Variants in C2CD5 observed in about 807,000 individuals in gnomAD.
C2CD5 encodes the protein C2 domain-containing protein 5.
Under a neutral mutation model 130.3 loss-of-function variants are expected in C2CD5, and 109 were observed. That is an observed-to-expected ratio of 0.84 (90% CI 0.72 to 0.98). C2CD5 has a LOEUF of 0.98. C2CD5 is among the 50% of genes least tolerant of loss of function. The pLI is 0.00. For synonymous variants in C2CD5, 454 were observed against 429.2 expected (o/e 1.06, Z -0.71); for missense variants, 996 against 1,261.8 (o/e 0.79, Z 3.19).
intron 21 of C2CD5, among the ~76,000 whole-genome samples, chr12:22,470,328 G>GT (rs1392255625): frequency 6.6e-6 from 1 of 152,038 alleles, no homozygotes; most frequent in East Asian, 1.9e-4. Flanking sequence ...CCCATTATGT[G>GT]TTTTTCAGAA....
Position 22,458,506 on chromosome 12 carries a change from T to C in C2CD5, c.2664A>G (p.Ile888Met), listed in dbSNP as rs1940430318. 1.5e-6 allele frequency: 2 copies of C among 1,294,406 alleles called. No individual in the cohort carries two copies. Among genetic ancestry groups the C allele is most frequent in the Admixed American group, 7.1e-5 (2 of 27,990 alleles). 80.2% of individuals were successfully genotyped at this position (1,294,406 alleles called of 1,614,324 possible). A position where few individuals can be genotyped will look rare whatever the true frequency, so the allele number is the denominator to read the frequency against. Residue 888 changes from isoleucine (I) to methionine (M), a missense_variant, in exon 24 of 27, where the codon ATA becomes ATG. Around this residue, in one of 9 missense-constraint regions of C2CD5, gnomAD observed 590 missense variants for 631.4 expected, o/e 0.93. Transcript: ENST00000446597. ...IELIKLKAQT[I>M]RRGSIKTTMT... ...TACTTGTCTTAATTGATCCACGCCT[T>C]ATGGTCTGAGCTTTCAGTTTAATGA...
rs1443412750 is a variant in C2CD5, at chr12:22,490,415, G to T, written c.1263-197C>A. On this transcript the variant is annotated intron_variant, in intron 11 of 26. Coordinates refer to ENST00000446597, the MANE Select transcript of C2CD5 (RefSeq NM_001286176.2). ...GTAACTTTATTTGAATGGAGGGAAAGAATTCTTCATAAATTAAAAACTGAA... is the reference window on the plus strand; with the variant it reads ...GTAACTTTATTTGAATGGAGGGAAATAATTCTTCATAAATTAAAAACTGAA... Among the ~76,000 whole-genome samples the T allele has an allele frequency of 2.0e-5, 3 of 152,012 alleles. No individual in the cohort carries two copies. The East Asian group carries it at 5.8e-4, about 29-fold the overall frequency.
chr12:22,530,208 A>G (rs1951138404), intron 3 of C2CD5, among the ~76,000 whole-genome samples: 1 of 147,148 alleles, frequency 6.8e-6, no homozygotes, highest in South Asian at 2.1e-4. Flanking sequence ...TATATACAGT[A>G]TATATATAAC....
At chr12:22,509,972 A>G (rs1949007579) in intron 9 of C2CD5, among the ~76,000 whole-genome samples, 1 of 152,210 alleles carries the variant, frequency 6.6e-6, no homozygotes, top group Non-Finnish European at 1.5e-5. Flanking sequence ...TGGGAGGCTG[A>G]GGTAGGTGGA....
Position 22,472,333 on chromosome 12 carries a change from T to C in C2CD5, c.2122A>G (p.Asn708Asp), listed in dbSNP as rs1450680150. Residue 708 changes from asparagine (N) to aspartate (D), a missense_variant, in exon 18 of 27, where the codon AAT (asparagine) becomes GAT (aspartate). Asn to Asp is a conservative substitution (Grantham distance 23). This residue lies in a region of C2CD5 where 590 missense variants were observed against 631.4 expected (regional missense o/e 0.93). Coordinates refer to ENST00000446597, the MANE Select transcript of C2CD5 (RefSeq NM_001286176.2). ...TTTATACCGGGCATAATTTCTGTAT[T>C]ACAACTATAAAAGCCTGTCAAAATA... ...VPPPSGFYSC[N>D]TEIMPGINNW... 5 of 1,469,832 alleles carry C rather than the reference T, an allele frequency of 3.4e-6. No individual in the cohort carries two copies. Among genetic ancestry groups the C allele is most frequent in the Non-Finnish European group, 4.7e-6 (5 of 1,068,162 alleles). 91.0% of individuals were successfully genotyped at this position (1,469,832 alleles called of 1,614,324 possible).
rs1424847547 is a variant in C2CD5, at chr12:22,457,124, T to G, written c.2724A>C (p.Gly908=). 4.3e-6 allele frequency: 7 copies of G among 1,609,328 alleles called. No individual in the cohort carries two copies. The highest frequency in any genetic ancestry group is 5.9e-6 in the Non-Finnish European group (7 of 1,178,204). ...TVEKASPVGD[G]NFRNRSAPPC... is the part of the protein sequence containing the mutation. ...GTGGAGCAGAACGATTCCGGAAATT[T>G]CCATCACCCACTGGACTTGCTTTTT... Residue 908 remains glycine (G), a synonymous_variant, in exon 25 of 27, where the codon GGA becomes GGC. Coordinates refer to ENST00000446597, the MANE Select transcript of C2CD5 (RefSeq NM_001286176.2).
Position 22,449,771 on chromosome 12 carries a change from C to T in C2CD5, c.3145G>A (p.Val1049Ile), listed in dbSNP as rs549478034. Residue 1049 changes from valine (V) to isoleucine (I), a missense_variant, in exon 27 of 27, where the codon GTT becomes ATT. Around this residue, in one of 9 missense-constraint regions of C2CD5, gnomAD observed 48 missense variants for 46.4 expected, o/e 1.03. Coordinates refer to ENST00000446597, the MANE Select transcript of C2CD5 (RefSeq NM_001286176.2). ...NCQSSCTEGE[V>I]TT The stretch of plus-strand genomic sequence containing the variant: ...TTTCCTAATTTTCCTCAGGTTGTAA[C>T]TTCGCCTTCAGTACATGATGACTGG... The T allele has an allele frequency of 1.1e-5, 18 of 1,590,356 alleles. No homozygotes were observed. The East Asian group carries it at 4.0e-4, about 36-fold the overall frequency.
chr12:22,482,021 CAT>C (rs1269875318), intron 14 of C2CD5, among the ~76,000 whole-genome samples: 1 of 152,048 alleles, frequency 6.6e-6, no homozygotes, highest in Non-Finnish European at 1.5e-5. Context: ...TAGTGTCTCA[CAT>C]GTTTTGCTTT....
intron 22 of C2CD5, 76 bp from the exon 23 acceptor site, chr12:22,459,618 A>T: frequency 1.1e-6 from 1 of 877,612 alleles, no homozygotes; most frequent in Non-Finnish European, 1.8e-6. Flanking sequence ...ATTTGTTAAT[A>T]CCTCTATAAG....
At chr12:22,464,808 T>G (rs563200546) in intron 22 of C2CD5, among the ~76,000 whole-genome samples, 8 of 152,184 alleles carry the variant, frequency 5.3e-5, no homozygotes, top group African/African-American at 1.9e-4. Context: ...AAAATGCTTT[T>G]AATTAGTATA....
At chr12:22,487,074 A>C (rs896610048) in intron 12 of C2CD5, among the ~76,000 whole-genome samples, 15 of 152,222 alleles carry the variant, frequency 9.9e-5, no homozygotes, top group Admixed American at 4.6e-4. Context: ...TTAAAGACTT[A>C]AATGTTAGAC....
At chr12:22,466,674 G>A (rs898535849) in intron 22 of C2CD5, among the ~76,000 whole-genome samples, 5 of 152,230 alleles carry the variant, frequency 3.3e-5, no homozygotes, top group African/African-American at 1.2e-4. Flanking sequence ...AAGACTTGAA[G>A]CACAAGACAA....
At chr12:22,482,154 A>T (rs949885453) in intron 14 of C2CD5, among the ~76,000 whole-genome samples, 17 of 152,074 alleles carry the variant, frequency 1.1e-4, no homozygotes, top group Admixed American at 1.1e-3. Flanking sequence ...GGATGCTACT[A>T]GCTTATAGTG....
intron 7 of C2CD5, among the ~76,000 whole-genome samples, chr12:22,520,921 A>G (rs927264001): frequency 6.6e-6 from 1 of 152,170 alleles, no homozygotes; most frequent in Admixed American, 6.5e-5. Context: ...TAAAATGTTC[A>G]AACTATGGCA....
chr12:22,498,634 AGCTT>A (rs1168600459), intron 10 of C2CD5, among the ~76,000 whole-genome samples: 3 of 152,208 alleles, frequency 2.0e-5, no homozygotes. Flanking sequence ...ATTAATCCAA[AGCTT>A]GCTTATCACT....
intron 2 of C2CD5, among the ~76,000 whole-genome samples, chr12:22,543,593 G>GGTGTGTGTGTGCCT (rs1190994959): frequency 6.6e-6 from 1 of 152,152 alleles, no homozygotes; most frequent in African/African-American, 2.4e-5. Flanking sequence ...CCCTTCCAAG[G>GGTGTGTGTGTGCCT]GTGTGTGTGT....
At chr12:22,521,559 T>A (rs1475490548) in intron 7 of C2CD5, among the ~76,000 whole-genome samples, 1 of 152,130 alleles carries the variant, frequency 6.6e-6, no homozygotes, top group Non-Finnish European at 1.5e-5. Context: ...TTAAATTTGC[T>A]ACAGAGAGAG....
intron 8 of C2CD5, 99 bp downstream of exon 8, chr12:22,517,887 G>A: frequency 1.0e-6 from 1 of 979,786 alleles, no homozygotes; most frequent in Non-Finnish European, 1.5e-6. Context: ...TTTAACTTAA[G>A]TGCCAAAAAC....
chr12:22,506,911 C>T, intron 9 of C2CD5, 92 bp from the exon 10 acceptor site: 1 of 738,088 alleles, frequency 1.4e-6, no homozygotes, highest in South Asian at 1.5e-5. Flanking sequence ...AACTGTATTA[C>T]ATCCCTTGAA....
Sources: gnomAD v4.1 joint callset for allele counts (sites outside exome capture counted in the v4.1 genomes callset) on GRCh38, gnomAD v4.1.1 for gene constraint, gnomAD v4.1.1 regional missense constraint, MANE v1.5 for transcripts, NCBI Gene and HGNC (gene_info 2026-07-23, HGNC 2026-07-21) for gene names.